FRMD8: variants seen among roughly 807,000 people sequenced by gnomAD.
FRMD8 encodes the protein FERM domain containing 8.
FRMD8 carries 37 observed loss-of-function variants against 54.2 expected under a neutral mutation model. The observed-to-expected ratio is 0.68, with a 90% CI of 0.53 to 0.90. The LOEUF (loss-of-function observed/expected upper bound fraction) is 0.90, where lower values mean the gene tolerates loss of function less well. Among genes scored for constraint, FRMD8 ranks in the 40% least tolerant of loss-of-function variants. The probability of loss-of-function intolerance (pLI) is 0.00; values close to 1 mark genes in which losing one functional copy is unlikely to be tolerated. For missense variants in FRMD8, 585 were observed against 653.7 expected (o/e 0.89, Z 1.15); for synonymous variants, 246 against 286.9 (o/e 0.86, Z 1.44).
intron 10 of FRMD8, among the ~76,000 whole-genome samples, chr11:65,410,258 G>A (rs1856300245): frequency 6.6e-6 from 1 of 152,148 alleles, no homozygotes; most frequent in African/African-American, 2.4e-5. Flanking sequence ...AGCACTTTTG[G>A]AGGCCAAGAT....
intron 9 of FRMD8, among the ~76,000 whole-genome samples, chr11:65,402,044 G>T (rs750348815): frequency 6.6e-6 from 1 of 151,900 alleles, no homozygotes; most frequent in Non-Finnish European, 1.5e-5. Flanking sequence ...TTTCGGTGTC[G>T]TTTGTTGAAA....
the FRMD8 span, chr11:65,379,346 C>G: frequency 2.5e-6 from 4 of 1,602,376 alleles, no homozygotes; most frequent in Non-Finnish European, 2.5e-6. Flanking sequence ...CCCTATGACA[C>G]CTGTGTGTGC....
intron 6 of FRMD8, 125 bp from the exon 7 acceptor site, chr11:65,396,674 C>T (rs1855961777): frequency 3.4e-6 from 2 of 586,518 alleles, no homozygotes; most frequent in African/African-American, 1.9e-5. Flanking sequence ...GGGCTCCTTA[C>T]CCAGCCTCTG....
At chr11:65,374,111 G>A in the FRMD8 span, among the ~76,000 whole-genome samples, 1 of 152,136 alleles carries the variant, frequency 6.6e-6, no homozygotes, top group South Asian at 2.1e-4. Flanking sequence ...AGGAGTTCGA[G>A]GCCAGCCTGG....
intron 10 of FRMD8, among the ~76,000 whole-genome samples, chr11:65,408,584 T>G (rs951004628): frequency 2.0e-5 from 3 of 151,840 alleles, no homozygotes; most frequent in Non-Finnish European, 4.4e-5. Flanking sequence ...CAGGATACTT[T>G]CCTAGAAATG....
upstream of FRMD8, among the ~76,000 whole-genome samples, chr11:65,386,223 G>T (rs2137850046): frequency 6.6e-6 from 1 of 152,308 alleles, no homozygotes; most frequent in African/African-American, 2.4e-5. Flanking sequence ...TCCAGGATGA[G>T]TCTGGGCCAG....
Position 65,411,553 on chromosome 11 carries a change from C to T in FRMD8, c.*193C>T. On this transcript the variant is annotated 3_prime_UTR_variant, in exon 11 of 11. Transcript: ENST00000317568. ...CCGGGCTGTGCAAAGCTGGCCAGGG[C>T]CTCCTGTAGGGCTCCTCTGCAGCCT... The T allele has an allele frequency of 2.1e-6, 1 of 473,554 alleles. No individual in the cohort carries two copies. Among genetic ancestry groups the T allele is most frequent in the Non-Finnish European group, 3.8e-6 (1 of 264,352 alleles). The allele number at this position is 473,554 out of a possible 1,614,324, so 29.3% of individuals were successfully genotyped here.
At chr11:65,408,320 C>T (rs1375287310) in intron 10 of FRMD8, among the ~76,000 whole-genome samples, 1 of 151,960 alleles carries the variant, frequency 6.6e-6, no homozygotes, top group Non-Finnish European at 1.5e-5. Flanking sequence ...GTGATCCGCC[C>T]GCCTTGGCCT....
chr11:65,376,182 G>A, the FRMD8 span: 2 of 599,122 alleles, frequency 3.3e-6, no homozygotes, highest in South Asian at 2.1e-5. Flanking sequence ...ACAGATGTGG[G>A]AGGCAAAGGA....
At chr11:65,402,222 A>T (rs1565609418) in intron 9 of FRMD8, among the ~76,000 whole-genome samples, 1 of 151,984 alleles carries the variant, frequency 6.6e-6, no homozygotes, top group Non-Finnish European at 1.5e-5. Context: ...GTGGTGGCAC[A>T]CGCCCGTAAT....
chr11:65,373,110 C>T, the FRMD8 span, among the ~76,000 whole-genome samples: 1 of 152,168 alleles, frequency 6.6e-6, no homozygotes, highest in Non-Finnish European at 1.5e-5. Flanking sequence ...AAAAATTAGC[C>T]GGGCATGGTG....
intron 6 of FRMD8, 125 bp downstream of exon 6, chr11:65,394,550 C>G (rs1476230065): frequency 1.7e-6 from 2 of 1,173,906 alleles, no homozygotes; most frequent in African/African-American, 3.1e-5. Flanking sequence ...AGGCCTCAGC[C>G]CCGCAGGCTC....
intron 4 of FRMD8, 119 bp downstream of exon 4, chr11:65,393,793 A>G (rs2137881786): frequency 1.1e-6 from 1 of 899,776 alleles, no homozygotes; most frequent in Non-Finnish European, 1.7e-6. Flanking sequence ...CAGGGCCTGC[A>G]TCTCCCCCAG....
chr11:65,401,569 C>G (rs1856082758), intron 9 of FRMD8, among the ~76,000 whole-genome samples: 1 of 150,968 alleles, frequency 6.6e-6, no homozygotes, highest in South Asian at 2.1e-4. Context: ...AGCCAGACCC[C>G]ACCCCTGCGC....
chr11:65,384,356 T>G (rs1855696874), upstream of FRMD8, among the ~76,000 whole-genome samples: 1 of 151,972 alleles, frequency 6.6e-6, no homozygotes, highest in Non-Finnish European at 1.5e-5. Context: ...TGGAATGCCT[T>G]TCCTTCCCCA....
chr11:65,391,045 TG>T (rs1186591279), intron 3 of FRMD8, among the ~76,000 whole-genome samples: 1 of 152,244 alleles, frequency 6.6e-6, no homozygotes, highest in East Asian at 1.9e-4. Context: ...GCACCCCTGA[TG>T]GGGTGAACCG....
chr11:65,380,449 C>A, the FRMD8 span: 1 of 1,121,830 alleles, frequency 8.9e-7, no homozygotes. Context: ...CAGCCAAAGA[C>A]GTACGTGTCC....
At chr11:65,386,019 A>T (rs1300327419), upstream of FRMD8, among the ~76,000 whole-genome samples, 1 of 151,750 alleles carries the variant, frequency 6.6e-6, no homozygotes. Flanking sequence ...GATGGTCTGG[A>T]TCTCCTGACC....
chr11:65,368,548 AGTTTT>A, the FRMD8 span, among the ~76,000 whole-genome samples: 2 of 150,328 alleles, frequency 1.3e-5, no homozygotes, highest in African/African-American at 2.4e-5. Flanking sequence ...TGCCAGCTAG[AGTTTT>A]GTTTTGTTTT....
Sources: allele counts gnomAD v4.1 joint callset (sites outside exome capture counted in the v4.1 genomes callset), GRCh38; gene constraint gnomAD v4.1.1; transcripts MANE v1.5; gene names NCBI Gene and HGNC (gene_info 2026-07-23, HGNC 2026-07-21).